The following NBDY variants were observed in gnomAD, a reference collection of about 807,000 sequenced individuals.
The protein encoded by NBDY is negative regulator of P-body association.
chrX:56,739,600 G>A (rs936923838), intron 2 of NBDY, among the ~76,000 whole-genome samples: 2 of 108,963 alleles, frequency 1.8e-5, no homozygotes, highest in African/African-American at 6.6e-5. Flanking sequence ...ATTATTCAGA[G>A]TACGCATATT....
At position 56,732,140 on chromosome X, in the gene NBDY, T is replaced by G; in HGVS notation, c.*107T>G. 3.4e-6 allele frequency: 1 copy of G among 297,068 alleles called. No homozygotes were observed. 24.5% of individuals were successfully genotyped at this position (297,068 alleles called of 1,213,427 possible). ...TTCACCTGGTGAAAACAATGAAGAT[T>G]ATTTACAATGCTACCCTGCTTTTTC... is the stretch of plus-strand genomic sequence containing the variant. On this transcript the variant is annotated 3_prime_UTR_variant, in exon 2 of 3. Coordinates refer to ENST00000374922, the MANE Select transcript of NBDY (RefSeq NM_001348129.2).
At chrX:56,740,942 C>A (rs2069529419) in intron 2 of NBDY, among the ~76,000 whole-genome samples, 2 of 110,553 alleles carry the variant, frequency 1.8e-5, no homozygotes, top group African/African-American at 6.6e-5. Flanking sequence ...AGGTCTTATT[C>A]ATTCTTTTTG....
At chrX:56,809,371 TG>T in intron 2 of NBDY, among the ~76,000 whole-genome samples, 1 of 111,877 alleles carries the variant, frequency 8.9e-6, no homozygotes, top group Non-Finnish European at 1.9e-5. Context: ...AGTCTCCCAC[TG>T]TTTTTGTGTG....
intron 2 of NBDY, among the ~76,000 whole-genome samples, chrX:56,756,255 G>A (rs1310442644): frequency 5.6e-5 from 6 of 107,899 alleles, no homozygotes; most frequent in African/African-American, 1.4e-4. Flanking sequence ...ACTAACCTGC[G>A]CATTGTGCAC....
chrX:56,817,660 A>G lies in NBDY; in HGVS notation c.*507A>G, dbSNP rs2069916914. ...AGAACTCCTATGTAAAGCATTACTA[A>G]AATTAGTGTTGAAATATGACCTTCT... On this transcript the variant is annotated 3_prime_UTR_variant, in exon 3 of 3. Transcript: ENST00000374922. 8.9e-6 allele frequency: 1 copy of G among 112,326 alleles called. No individual in the cohort carries two copies. Among genetic ancestry groups the G allele is most frequent in the South Asian group, 3.6e-4 (1 of 2,767 alleles). 9.3% of individuals were successfully genotyped at this position (112,326 alleles called of 1,213,427 possible). A position where few individuals can be genotyped will look rare whatever the true frequency, so the allele number is the denominator to read the frequency against.
intron 2 of NBDY, among the ~76,000 whole-genome samples, chrX:56,804,637 A>C (rs2069840585): frequency 1.8e-5 from 2 of 112,369 alleles, no homozygotes; most frequent in East Asian, 5.6e-4. Flanking sequence ...GTGTCTTTGC[A>C]GATGGTGAGG....
intron 1 of NBDY, among the ~76,000 whole-genome samples, 156 bp from the exon 2 acceptor site, chrX:56,731,907 A>G (rs2069461165): frequency 8.9e-6 from 1 of 112,010 alleles, no homozygotes; most frequent in Admixed American, 9.5e-5. Flanking sequence ...ACTTCTATAT[A>G]ATACATCCCT....
rs149260489 is a variant in NBDY, at chrX:56,734,796, G to C, written c.*166+2597G>C. Among the ~76,000 whole-genome samples the C allele has an allele frequency of 4.6e-3, 514 of 112,007 alleles. 3 individuals are homozygous for C. Among genetic ancestry groups the C allele is most frequent in the African/African-American group, 0.016 (500 of 30,822 alleles). ...CTATTCAACTTTGATGATATTCAGT[G>C]TTTTCCCAAGTTATTTTTTCTCGCT... On this transcript the variant is annotated intron_variant, in intron 2 of 2. Transcript: ENST00000374922.
chrX:56,767,429 G>T (rs1602658752), intron 2 of NBDY, among the ~76,000 whole-genome samples: 1 of 113,400 alleles, frequency 8.8e-6, no homozygotes, highest in Non-Finnish European at 1.9e-5. Context: ...TACACTGTGG[G>T]AGCCCCTGTC....
chrX:56,736,426 G>A (rs906059631), intron 2 of NBDY, among the ~76,000 whole-genome samples: 26 of 111,357 alleles, frequency 2.3e-4, no homozygotes, highest in African/African-American at 7.8e-4. Flanking sequence ...CACCATGCCC[G>A]GCCAATTTTC....
At chrX:56,808,331 G>A (rs1188017096) in intron 2 of NBDY, among the ~76,000 whole-genome samples, 1 of 111,810 alleles carries the variant, frequency 8.9e-6, no homozygotes, top group Non-Finnish European at 1.9e-5. Context: ...CAGAAGGAAT[G>A]GTACCAGCTC....
chrX:56,742,369 T>G (rs1385211729), intron 2 of NBDY, among the ~76,000 whole-genome samples: 5 of 111,709 alleles, frequency 4.5e-5, no homozygotes, highest in Non-Finnish European at 9.4e-5. Context: ...CTGTGAAGAA[T>G]GTTTTTTGTA....
At chrX:56,782,781 G>A (rs770980563) in intron 2 of NBDY, among the ~76,000 whole-genome samples, 9 of 111,176 alleles carry the variant, frequency 8.1e-5, no homozygotes, top group Non-Finnish European at 1.3e-4. Flanking sequence ...GGGTGTCTCC[G>A]CCACATGCCC....
At chrX:56,760,167 G>A (rs1383148542) in intron 2 of NBDY, among the ~76,000 whole-genome samples, 1 of 113,126 alleles carries the variant, frequency 8.8e-6, no homozygotes, top group Non-Finnish European at 1.9e-5. Flanking sequence ...TTGAACCCCG[G>A]TGGGGGGAAA....
intron 2 of NBDY, among the ~76,000 whole-genome samples, chrX:56,785,055 C>T (rs60606197): frequency 2.0e-4 from 22 of 111,135 alleles, no homozygotes; most frequent in African/African-American, 6.2e-4. Context: ...ATTCATGCCA[C>T]GGGTAATGAT....
intron 2 of NBDY, among the ~76,000 whole-genome samples, chrX:56,733,816 G>A (rs1417203260): frequency 2.7e-5 from 3 of 112,003 alleles, no homozygotes; most frequent in Admixed American, 1.9e-4. Context: ...CATCCATCAA[G>A]CTGTCAAGGA....
At chrX:56,755,011 A>G (rs948484974) in intron 2 of NBDY, among the ~76,000 whole-genome samples, 3 of 111,766 alleles carry the variant, frequency 2.7e-5, no homozygotes, top group East Asian at 2.8e-4. Flanking sequence ...CTGATCTTTG[A>G]CAAACCTAAC....
intron 2 of NBDY, among the ~76,000 whole-genome samples, chrX:56,807,520 A>C (rs1411412970): frequency 1.8e-5 from 2 of 111,397 alleles, no homozygotes; most frequent in Non-Finnish European, 3.8e-5. Flanking sequence ...ATCCTTAAAG[A>C]GGTCCTTCAC....
intron 2 of NBDY, among the ~76,000 whole-genome samples, chrX:56,794,587 A>T (rs1347482370): frequency 9.4e-6 from 1 of 106,764 alleles, no homozygotes; most frequent in Non-Finnish European, 1.9e-5. Flanking sequence ...AGAGGATCCT[A>T]TCCTCAATAC....
Sources: gnomAD v4.1 joint callset for allele counts (sites outside exome capture counted in the v4.1 genomes callset) on GRCh38, gnomAD v4.1.1 for gene constraint, MANE v1.5 for transcripts, NCBI Gene and HGNC (gene_info 2026-07-23, HGNC 2026-07-21) for gene names.